MCOLN2: variants seen among roughly 807,000 people sequenced by gnomAD.
The protein encoded by MCOLN2 is mucolipin-2.
MCOLN2 carries 57 observed loss-of-function variants against 67.5 expected under a neutral mutation model. That is an observed-to-expected ratio of 0.84 (90% confidence interval 0.68 to 1.05). The LOEUF is 1.05. MCOLN2 is among the 50% of genes least tolerant of loss of function. The pLI is 0.00. For synonymous variants in MCOLN2, 246 were observed against 233.3 expected (o/e 1.05, Z -0.50); for missense variants, 620 against 678.8 (o/e 0.91, Z 0.96).
At chr1:84,978,839 T>A (rs1650118592) in intron 1 of MCOLN2, among the ~76,000 whole-genome samples, 2 of 152,070 alleles carry the variant, frequency 1.3e-5, no homozygotes, top group Admixed American at 6.6e-5. Context: ...TATATACATA[T>A]ATAATACATA....
chr1:84,971,236 G>A (rs1392925229), intron 1 of MCOLN2, among the ~76,000 whole-genome samples: 1 of 152,134 alleles, frequency 6.6e-6, no homozygotes, highest in Non-Finnish European at 1.5e-5. Context: ...TGATAGACAT[G>A]TAGGGGGAAA....
chr1:84,927,941 A>G (rs1299332041), intron 13 of MCOLN2, among the ~76,000 whole-genome samples: 1 of 152,102 alleles, frequency 6.6e-6, no homozygotes, highest in Non-Finnish European at 1.5e-5. Context: ...TTTTAAACAC[A>G]TCAAGCTATA....
chr1:84,940,730 A>AATGCCTC (rs1275265560), intron 8 of MCOLN2, 149 bp downstream of exon 8: 2 of 586,438 alleles, frequency 3.4e-6, no homozygotes, highest in Non-Finnish European at 6.1e-6. Context: ...CAGGCTGATG[A>AATGCCTC]ATGCCTCATA....
chr1:84,951,369 G>A (rs1485081268), intron 6 of MCOLN2, among the ~76,000 whole-genome samples: 1 of 152,184 alleles, frequency 6.6e-6, no homozygotes, highest in Non-Finnish European at 1.5e-5. Flanking sequence ...AGGGAAGGCA[G>A]GGAGGGAGAA....
intron 1 of MCOLN2, among the ~76,000 whole-genome samples, chr1:84,987,866 T>C (rs1650697377): frequency 6.6e-6 from 1 of 151,684 alleles, no homozygotes; most frequent in East Asian, 1.9e-4. Context: ...AGCTAAGCTG[T>C]GAGGATGCAA....
chr1:84,973,616 T>C (rs1441872429), intron 1 of MCOLN2, among the ~76,000 whole-genome samples: 1 of 152,070 alleles, frequency 6.6e-6, no homozygotes, highest in East Asian at 1.9e-4. Context: ...TTCCCACCAG[T>C]TATGTTTTAT....
At chr1:84,934,303 A>T (rs557492678) in intron 11 of MCOLN2, among the ~76,000 whole-genome samples, 7 of 152,316 alleles carry the variant, frequency 4.6e-5, no homozygotes, top group South Asian at 2.1e-4. Flanking sequence ...TTTAATACGT[A>T]TTAAATGGGT....
At chr1:84,988,519 A>C (rs567508132) in intron 1 of MCOLN2, among the ~76,000 whole-genome samples, 1 of 152,236 alleles carries the variant, frequency 6.6e-6, no homozygotes, top group African/African-American at 2.4e-5. Context: ...TCTAAAGTAT[A>C]CTTTGAGTTC....
intron 2 of MCOLN2, among the ~76,000 whole-genome samples, 181 bp from the exon 3 acceptor site, chr1:84,958,883 C>T (rs1212817383): frequency 6.6e-6 from 1 of 152,096 alleles, no homozygotes; most frequent in Non-Finnish European, 1.5e-5. Context: ...CCTCATCAAG[C>T]TACATCAGCA....
At chr1:84,969,610 C>A (rs1174339234) in intron 1 of MCOLN2, among the ~76,000 whole-genome samples, 1 of 151,100 alleles carries the variant, frequency 6.6e-6, no homozygotes, top group Non-Finnish European at 1.5e-5. Context: ...GCAATCACCA[C>A]AATGAGTCTC....
intron 4 of MCOLN2, among the ~76,000 whole-genome samples, chr1:84,955,868 AT>A (rs1379421860): frequency 6.6e-6 from 1 of 152,216 alleles, no homozygotes; most frequent in East Asian, 1.9e-4. Context: ...ATGAAACATT[AT>A]TTTAAAAAAC....
At chr1:84,963,407 G>A (rs1245640434) in intron 2 of MCOLN2, among the ~76,000 whole-genome samples, 1 of 152,208 alleles carries the variant, frequency 6.6e-6, no homozygotes. Context: ...AGAAGATAGT[G>A]AGTATGGGAA....
intron 7 of MCOLN2, among the ~76,000 whole-genome samples, chr1:84,945,381 AAG>A (rs1304625316): frequency 6.6e-6 from 1 of 152,204 alleles, no homozygotes; most frequent in Non-Finnish European, 1.5e-5. Context: ...GCGTATCTGT[AAG>A]AGAGTGGTGT....
At chr1:84,951,315 T>C (rs1352855017) in intron 6 of MCOLN2, among the ~76,000 whole-genome samples, 1 of 152,182 alleles carries the variant, frequency 6.6e-6, no homozygotes, top group Non-Finnish European at 1.5e-5. Context: ...AAGGACAGTA[T>C]ATACAACTTT....
At chr1:84,941,626 C>CA (rs1647790126) in intron 7 of MCOLN2, among the ~76,000 whole-genome samples, 2 of 152,184 alleles carry the variant, frequency 1.3e-5, no homozygotes, top group South Asian at 4.2e-4. Context: ...GGGCTCCATT[C>CA]AAAAAAAGGC....
chr1:84,988,182 A>G (rs536421066), intron 1 of MCOLN2, among the ~76,000 whole-genome samples: 29 of 152,212 alleles, frequency 1.9e-4, no homozygotes, highest in African/African-American at 6.5e-4. Flanking sequence ...TCTTGGGTGC[A>G]CAGCAGAATC....
chr1:84,987,459 T>C lies in MCOLN2; in HGVS notation c.77+9337A>G, dbSNP rs1209050450. 1.5e-4 allele frequency among the ~76,000 whole-genome samples: 18 copies of C among 120,362 alleles called. 1 individual carries two copies. The highest frequency in any genetic ancestry group is 2.5e-4 in the Non-Finnish European group (15 of 59,276). The allele number at this position is 120,362 out of a possible 152,430, so 79.0% of individuals were successfully genotyped here. On this transcript the variant is annotated intron_variant, in intron 1 of 13. Transcript: ENST00000370608. Reference sequence around the variant, plus strand: ...ATATAGATATATACATATATACATATATGTATATATAGATATATATACATA... The same window carrying C: ...ATATAGATATATACATATATACATACATGTATATATAGATATATATACATA...
At chr1:84,958,831 T>C in intron 2 of MCOLN2, 129 bp from the exon 3 acceptor site, 1 of 604,636 alleles carries the variant, frequency 1.7e-6, no homozygotes. Flanking sequence ...TGGTTTATAC[T>C]AATAGCATCA....
intron 2 of MCOLN2, among the ~76,000 whole-genome samples, chr1:84,959,942 G>T (rs1297098366): frequency 6.6e-6 from 1 of 152,176 alleles, no homozygotes; most frequent in Non-Finnish European, 1.5e-5. Context: ...GCCTGTGGCT[G>T]TAGTCCCAGC....
Sources: gnomAD v4.1 joint callset for allele counts (sites outside exome capture counted in the v4.1 genomes callset) on GRCh38, gnomAD v4.1.1 for gene constraint, MANE v1.5 for transcripts, NCBI Gene and HGNC (gene_info 2026-07-23, HGNC 2026-07-21) for gene names.